The following HECW2 variants were observed in gnomAD, a reference collection of about 807,000 sequenced individuals.
HECW2 encodes the protein E3 ubiquitin-protein ligase HECW2.
Under a neutral mutation model 175.2 loss-of-function variants are expected in HECW2, and 61 were observed. The observed-to-expected ratio is 0.35, with a 90% confidence interval of 0.28 to 0.43. The LOEUF is 0.43. Ranked by LOEUF, HECW2 falls within the 20% of genes least tolerant of loss-of-function variation. HECW2 has a pLI of 1.00. For missense variants in HECW2, 1,524 were observed against 2,000.5 expected, an observed-to-expected ratio of 0.76 and a Z score of 4.54; for synonymous variants, 671 against 731.0, an observed-to-expected ratio of 0.92 and a Z score of 1.32.
intron 2 of HECW2, among the ~76,000 whole-genome samples, chr2:196,357,894 G>T (rs1188821809): frequency 6.6e-6 from 1 of 152,204 alleles, no homozygotes; most frequent in East Asian, 1.9e-4. Flanking sequence ...GTGGAACTGT[G>T]AGTCAATTAA....
At chr2:196,204,777 T>C (rs1687008559) in intron 28 of HECW2, among the ~76,000 whole-genome samples, 1 of 152,206 alleles carries the variant, frequency 6.6e-6, no homozygotes, top group African/African-American at 2.4e-5. Flanking sequence ...GCAAATGTGA[T>C]GTTAAGTGTG....
At chr2:196,423,547 T>C (rs908416007) in intron 2 of HECW2, among the ~76,000 whole-genome samples, 25 of 152,132 alleles carry the variant, frequency 1.6e-4, no homozygotes, top group African/African-American at 5.5e-4. Context: ...TCTCTAACAC[T>C]ATTGCTTAGA....
chr2:196,512,169 G>A (rs1323862871), intron 1 of HECW2, among the ~76,000 whole-genome samples: 1 of 152,210 alleles, frequency 6.6e-6, no homozygotes, highest in Non-Finnish European at 1.5e-5. Context: ...CATTCACAAT[G>A]ACGGGCCACG....
At chr2:196,271,412 T>G in intron 16 of HECW2, 123 bp from the exon 17 acceptor site, 4 of 636,162 alleles carry the variant, frequency 6.3e-6, no homozygotes, top group Non-Finnish European at 8.4e-6. Flanking sequence ...GGCTTGCAAG[T>G]AGCTGGGATT....
At chr2:196,515,733 A>C (rs753776725) in intron 1 of HECW2, among the ~76,000 whole-genome samples, 1 of 152,194 alleles carries the variant, frequency 6.6e-6, no homozygotes, top group African/African-American at 2.4e-5. Flanking sequence ...TGGAAAGTTA[A>C]TATCCTGTGG....
chr2:196,435,271 T>C (rs1373026273), intron 1 of HECW2, among the ~76,000 whole-genome samples: 1 of 152,198 alleles, frequency 6.6e-6, no homozygotes, highest in East Asian at 1.9e-4. Flanking sequence ...CATAAAAGAA[T>C]CCATAATTAT....
intron 2 of HECW2, among the ~76,000 whole-genome samples, chr2:196,349,845 G>C (rs1187723907): frequency 6.6e-6 from 1 of 152,086 alleles, no homozygotes; most frequent in Non-Finnish European, 1.5e-5. Context: ...TTGTTAATGA[G>C]GTGAGAAATA....
chr2:196,320,012 A>C, intron 8 of HECW2, 108 bp from the exon 9 acceptor site: 2 of 1,139,968 alleles, frequency 1.8e-6, no homozygotes, highest in Non-Finnish European at 2.4e-6. Flanking sequence ...AGTCATTCTG[A>C]GGGCTTTCTA....
intron 14 of HECW2, 36 bp from the exon 15 acceptor site, chr2:196,278,698 T>C (rs1253679071): frequency 1.2e-6 from 2 of 1,611,584 alleles, no homozygotes; most frequent in Non-Finnish European, 1.7e-6. Context: ...TACATGCCGC[T>C]CACATGTCTT....
At chr2:196,250,476 G>A (rs28674887) in intron 19 of HECW2, among the ~76,000 whole-genome samples, 21,406 of 152,136 alleles carry the variant, frequency 0.14, 3,350 homozygotes, top group African/African-American at 0.39. Context: ...CGTGAGAGGT[G>A]AGGTAATTAT....
intron 1 of HECW2, among the ~76,000 whole-genome samples, chr2:196,586,924 G>A (rs1383792659): frequency 1.3e-5 from 2 of 151,974 alleles, no homozygotes; most frequent in Non-Finnish European, 2.9e-5. Flanking sequence ...GATAGTAATC[G>A]CTCTTCCACA....
chr2:196,264,825 C>T (rs376253190), intron 17 of HECW2, among the ~76,000 whole-genome samples: 1 of 152,162 alleles, frequency 6.6e-6, no homozygotes, highest in Admixed American at 6.5e-5. Flanking sequence ...ACATGACTAG[C>T]ACTTATTCCT....
chr2:196,574,776 T>C (rs1690503715), intron 1 of HECW2, among the ~76,000 whole-genome samples: 1 of 152,092 alleles, frequency 6.6e-6, no homozygotes, highest in Non-Finnish European at 1.5e-5. Context: ...TTTTAAAACA[T>C]ATTACCAAGT....
intron 6 of HECW2, among the ~76,000 whole-genome samples, chr2:196,324,410 A>C (rs978130204): frequency 4.6e-5 from 7 of 152,176 alleles, no homozygotes; most frequent in Non-Finnish European, 1.0e-4. Context: ...GAAGTCTAAA[A>C]TACCATCAAC....
At chr2:196,506,469 C>T (rs1463036167) in intron 1 of HECW2, among the ~76,000 whole-genome samples, 1 of 152,058 alleles carries the variant, frequency 6.6e-6, no homozygotes, top group Admixed American at 6.6e-5. Flanking sequence ...AATGAAAGGA[C>T]ATCATTGAAG....
chr2:196,270,609 C>T (rs1055734327), intron 17 of HECW2, among the ~76,000 whole-genome samples: 1 of 152,122 alleles, frequency 6.6e-6, no homozygotes, highest in Non-Finnish European at 1.5e-5. Flanking sequence ...TCATTATAAT[C>T]TGCACTTCTA....
At chr2:196,440,808 G>A (rs976856237) in intron 1 of HECW2, among the ~76,000 whole-genome samples, 1 of 152,146 alleles carries the variant, frequency 6.6e-6, no homozygotes, top group African/African-American at 2.4e-5. Context: ...GTCCTTTAAA[G>A]CTCCTTAGAT....
intron 1 of HECW2, among the ~76,000 whole-genome samples, chr2:196,574,037 A>T (rs1690475270): frequency 6.6e-6 from 1 of 152,136 alleles, no homozygotes; most frequent in Non-Finnish European, 1.5e-5. Context: ...TCCAGGATAC[A>T]AAATCAACAT....
chr2:196,305,990 T>C (rs1398571486), intron 13 of HECW2, among the ~76,000 whole-genome samples: 2 of 152,168 alleles, frequency 1.3e-5, no homozygotes, highest in Non-Finnish European at 2.9e-5. Context: ...CCGATGTTTG[T>C]GTCCCCCAGA....
Sources: gnomAD v4.1 joint callset for allele counts (sites outside exome capture counted in the v4.1 genomes callset) on GRCh38, gnomAD v4.1.1 for gene constraint, MANE v1.5 for transcripts, NCBI Gene and HGNC (gene_info 2026-07-23, HGNC 2026-07-21) for gene names.